OTOA: variants seen among roughly 807,000 people sequenced by gnomAD.
The protein encoded by OTOA is cancer/testis antigen 108.
Under a neutral mutation model 110.8 loss-of-function variants are expected in OTOA, and 70 were observed. The ratio of observed to expected loss-of-function variants is 0.63; its 90% CI spans 0.52 to 0.77. The LOEUF is 0.77. Ranked by LOEUF, OTOA falls within the 30% of genes least tolerant of loss-of-function variation. The probability of loss-of-function intolerance (pLI) is 0.00; values close to 1 mark genes in which losing one functional copy is unlikely to be tolerated. For missense variants in OTOA, 917 were observed against 1,075.8 expected (o/e 0.85, Z 2.06); for synonymous variants, 373 against 431.5 (o/e 0.86, Z 1.68).
intron 12 of OTOA, among the ~76,000 whole-genome samples, chr16:21,709,158 G>A (rs1898280668): frequency 6.6e-6 from 1 of 152,170 alleles, no homozygotes; most frequent in Admixed American, 6.6e-5. Flanking sequence ...TTGGCTGGAT[G>A]TGGTGGCTCA....
chr16:21,720,920 T>TATTATTATTATC (rs1245760194), intron 17 of OTOA, among the ~76,000 whole-genome samples: 1 of 149,102 alleles, frequency 6.7e-6, no homozygotes, highest in Non-Finnish European at 1.5e-5. Context: ...TTATTATTAT[T>TATTATTATTATC]ATCATTATTA....
intron 15 of OTOA, 108 bp downstream of exon 15, chr16:21,717,155 A>G (rs1278233469): frequency 4.8e-6 from 7 of 1,470,964 alleles, no homozygotes; most frequent in Non-Finnish European, 6.6e-6. Flanking sequence ...TTTCTGTGGG[A>G]TTAGTATAGG....
intron 17 of OTOA, among the ~76,000 whole-genome samples, chr16:21,720,603 G>T (rs1332797704): frequency 1.3e-5 from 2 of 152,234 alleles, no homozygotes; most frequent in East Asian, 3.9e-4. Flanking sequence ...CAAATTGGGG[G>T]CCCCACTCCC....
chr16:21,707,618 TTTC>T (rs1898213454), intron 12 of OTOA, among the ~76,000 whole-genome samples: 1 of 99,720 alleles, frequency 1.0e-5, no homozygotes, highest in Admixed American at 1.1e-4. Flanking sequence ...TCTTTCTTTC[TTTC>T]TTTCTTTCTT....
chr16:21,705,122 G>T, intron 11 of OTOA, 47 bp from the exon 12 acceptor site: 1 of 1,614,086 alleles, frequency 6.2e-7, no homozygotes, highest in Non-Finnish European at 8.5e-7. Context: ...AGAATGGGCT[G>T]GTTCTGCGGT....
At chr16:21,677,355 T>G (rs1245637686) in intron 1 of OTOA, among the ~76,000 whole-genome samples, 2 of 152,192 alleles carry the variant, frequency 1.3e-5, no homozygotes, top group Non-Finnish European at 2.9e-5. Context: ...TTTTGCCCAT[T>G]CTAGTGACTT....
In OTOA at chr16:21,719,441, T is replaced by G; in HGVS notation, c.1743T>G (p.Thr581=). Residue 581 remains threonine, a synonymous_variant, in exon 17 of 29, where the codon ACT becomes ACG. Coordinates refer to ENST00000646100, the MANE Select transcript of OTOA (RefSeq NM_144672.4). The part of the protein sequence containing the change: ...VTCSHIDAMS[T]DFFLAHFQDF... ...GCTCACACATTGATGCCATGAGCAC[T>G]GACTTCTTTCTGGCCCATTTCCAGG... The G allele has an allele frequency of 6.2e-7, 1 of 1,614,230 alleles. No individual in the cohort carries two copies. The highest frequency in any genetic ancestry group is 8.5e-7 in the Non-Finnish European group (1 of 1,180,036).
intron 10 of OTOA, among the ~76,000 whole-genome samples, chr16:21,699,994 T>A (rs1289753582): frequency 6.6e-6 from 1 of 151,936 alleles, no homozygotes; most frequent in Non-Finnish European, 1.5e-5. Context: ...CCCAAAATTA[T>A]ATATATAATT....
chr16:21,681,102 G>C (rs1348893910), intron 5 of OTOA, among the ~76,000 whole-genome samples: 1 of 152,126 alleles, frequency 6.6e-6, no homozygotes, highest in East Asian at 1.9e-4. Context: ...GCCTCTCATG[G>C]TGTACCTAGC....
At chr16:21,672,064 A>G (rs1384212309) in intron 1 of OTOA, among the ~76,000 whole-genome samples, 1 of 152,066 alleles carries the variant, frequency 6.6e-6, no homozygotes, top group Admixed American at 6.6e-5. Context: ...ACCAATCCTA[A>G]TTTGTTTCCT....
chr16:21,689,153 C>A (rs1597812320), intron 8 of OTOA, among the ~76,000 whole-genome samples: 1 of 151,992 alleles, frequency 6.6e-6, no homozygotes, highest in Non-Finnish European at 1.5e-5. Context: ...TTTTACTAAT[C>A]GTAGTGCTTT....
Position 21,752,091 on chromosome 16 carries a change from G to T in OTOA, c.2918+14G>T, listed in dbSNP as rs1899843093. On this transcript the variant is annotated intron_variant, in intron 25 of 28. Coordinates refer to ENST00000646100, the MANE Select transcript of OTOA (RefSeq NM_144672.4). ...CTCAGAATTCAGGTAACTAAAATAT[G>T]AATGTGCAAAATGGCAAATGGGTTA... 2 of 272,372 alleles carry T rather than the reference G, an allele frequency of 7.3e-6. 1 individual carries two copies. Among genetic ancestry groups the T allele is most frequent in the Non-Finnish European group, 1.4e-5 (2 of 141,894 alleles). 16.9% of individuals were successfully genotyped at this position (272,372 alleles called of 1,614,324 possible). A position where few individuals can be genotyped will look rare whatever the true frequency, so the allele number is the denominator to read the frequency against.
In OTOA at chr16:21,671,594, AAAAAAAG is replaced by A. The variant is rs1262106382; in HGVS notation, c.-4-6896_-4-6890del. Among the ~76,000 whole-genome samples, 332 of 148,872 alleles carry A rather than the reference AAAAAAAG, an allele frequency of 2.2e-3. 1 individual carries two copies. The highest frequency in any genetic ancestry group is 3.4e-3 in the Middle Eastern group (1 of 292). On this transcript the variant is annotated intron_variant, in intron 1 of 28. Coordinates refer to ENST00000646100, the MANE Select transcript of OTOA (RefSeq NM_144672.4). ...AGAGTAAGACTCCATATCAAAAAAA[AAAAAAAG>A]AAAAAAGAAAAAAGAAAAAAAAAAA...
rs557694148 is a variant in OTOA, at chr16:21,760,142, T to G, written c.3350-328T>G. The stretch of plus-strand genomic sequence containing the variant: ...TAATCTTTTCTTTCCTAAAGTTGCT[T>G]AATTATCAGAATCACCTGGGAGAGA... On this transcript the variant is annotated intron_variant, in intron 28 of 28. Transcript: ENST00000646100. 2.4e-4 allele frequency among the ~76,000 whole-genome samples: 36 copies of G among 152,050 alleles called. No individual in the cohort carries two copies. The East Asian group carries it at 6.0e-3, about 25-fold the overall frequency.
intron 6 of OTOA, among the ~76,000 whole-genome samples, chr16:21,683,463 T>C (rs1053447345): frequency 6.6e-6 from 1 of 151,944 alleles, no homozygotes; most frequent in East Asian, 1.9e-4. Flanking sequence ...GAGGCATAGG[T>C]GGGAGGATTG....
At chr16:21,679,670 GC>G (rs1290874386) in intron 5 of OTOA, among the ~76,000 whole-genome samples, 4 of 152,168 alleles carry the variant, frequency 2.6e-5, no homozygotes, top group African/African-American at 9.7e-5. Context: ...CTCCCAAAGT[GC>G]TGGGATTACA....
chr16:21,690,189 A>G (rs928520388), intron 8 of OTOA, among the ~76,000 whole-genome samples: 9 of 151,986 alleles, frequency 5.9e-5, no homozygotes, highest in Non-Finnish European at 1.2e-4. Flanking sequence ...GTTTGGGGGT[A>G]TTTTTTGTTT....
intron 17 of OTOA, among the ~76,000 whole-genome samples, chr16:21,722,041 T>TA (rs1413815850): frequency 1.6e-4 from 15 of 95,902 alleles, no homozygotes; most frequent in Non-Finnish European, 3.0e-4. Flanking sequence ...CTGGCCAACC[T>TA]AAAAAAATTT....
chr16:21,680,486 C>A (rs1281228318), intron 5 of OTOA, among the ~76,000 whole-genome samples: 1 of 152,030 alleles, frequency 6.6e-6, no homozygotes, highest in Non-Finnish European at 1.5e-5. Flanking sequence ...TGCACTCCAG[C>A]CTGGGCAACA....
Sources: gnomAD v4.1 joint callset for allele counts (sites outside exome capture counted in the v4.1 genomes callset) on GRCh38, gnomAD v4.1.1 for gene constraint, MANE v1.5 for transcripts, NCBI Gene and HGNC (gene_info 2026-07-23, HGNC 2026-07-21) for gene names.